RALYL: variants seen among roughly 807,000 people sequenced by gnomAD.
RALYL encodes the protein RNA-binding Raly-like protein.
Under a neutral mutation model 35.1 loss-of-function variants are expected in RALYL, and 29 were observed. The observed-to-expected ratio is 0.83, with a 90% confidence interval of 0.61 to 1.13. RALYL has a LOEUF of 1.13. Ranked by LOEUF, RALYL falls within the 50% of genes most tolerant of loss-of-function variation. The pLI, the probability that RALYL is intolerant of heterozygous loss-of-function variation, is 0.00. For missense variants in RALYL, 359 were observed against 360.4 expected (o/e 1.00, Z 0.03); for synonymous variants, 120 against 127.6 (o/e 0.94, Z 0.40).
intron 1 of RALYL, among the ~76,000 whole-genome samples, chr8:84,279,641 G>C (rs1836152274): frequency 1.3e-5 from 2 of 152,110 alleles, no homozygotes; most frequent in Non-Finnish European, 2.9e-5. Flanking sequence ...TATTTGTGGA[G>C]GCTTTGGAGG....
chr8:84,542,021 A>G (rs2060049080), intron 2 of RALYL, among the ~76,000 whole-genome samples: 1 of 152,002 alleles, frequency 6.6e-6, no homozygotes, highest in Admixed American at 6.6e-5. Flanking sequence ...AATTCTAATA[A>G]CCTATTCACA....
chr8:84,212,234 T>G (rs1361217188), intron 1 of RALYL, among the ~76,000 whole-genome samples: 1 of 152,148 alleles, frequency 6.6e-6, no homozygotes, highest in Non-Finnish European at 1.5e-5. Context: ...CACTGTAGTG[T>G]TTTTTGACAA....
intron 1 of RALYL, among the ~76,000 whole-genome samples, chr8:84,372,888 T>TTTTTTTGTTTTGTTTTG (rs1856093021): frequency 5.6e-5 from 6 of 107,582 alleles, no homozygotes; most frequent in African/African-American, 4.3e-5. Flanking sequence ...CAGCATCTGT[T>TTTTTTTGTTTTGTTTTG]TTTTTTTTTT....
At chr8:84,481,510 A>G (rs1203194345) in intron 1 of RALYL, among the ~76,000 whole-genome samples, 1 of 152,178 alleles carries the variant, frequency 6.6e-6, no homozygotes, top group Non-Finnish European at 1.5e-5. Flanking sequence ...AGACTTTATT[A>G]TGAATGTTCA....
At chr8:84,734,217 T>G (rs563761409) in intron 2 of RALYL, among the ~76,000 whole-genome samples, 2 of 152,294 alleles carry the variant, frequency 1.3e-5, no homozygotes, top group Admixed American at 6.6e-5. Context: ...GTTGTGCATA[T>G]CACCCCTTAA....
chr8:84,364,339 T>C (rs79853451), intron 1 of RALYL, among the ~76,000 whole-genome samples: 5,784 of 152,240 alleles, frequency 0.038, 154 homozygotes, highest in East Asian at 0.13. Flanking sequence ...CAAATGGTGT[T>C]CATAAACAAT....
intron 8 of RALYL, among the ~76,000 whole-genome samples, chr8:84,914,267 T>C (rs1284708713): frequency 6.6e-6 from 1 of 152,020 alleles, no homozygotes; most frequent in Non-Finnish European, 1.5e-5. Context: ...AGCATTAACT[T>C]AGGCAATTTA....
chr8:84,643,597 G>A (rs537574391), intron 2 of RALYL, among the ~76,000 whole-genome samples: 1 of 152,162 alleles, frequency 6.6e-6, no homozygotes, highest in East Asian at 1.9e-4. Flanking sequence ...AGACTGGCAG[G>A]CTGGAGACTC....
At chr8:84,701,502 G>C (rs1013581996) in intron 2 of RALYL, among the ~76,000 whole-genome samples, 1 of 152,060 alleles carries the variant, frequency 6.6e-6, no homozygotes, top group African/African-American at 2.4e-5. Flanking sequence ...ATACTTAGAA[G>C]GTTTATGAAA....
chr8:84,667,284 G>A (rs1413599795), intron 2 of RALYL, among the ~76,000 whole-genome samples: 1 of 151,888 alleles, frequency 6.6e-6, no homozygotes, highest in African/African-American at 2.4e-5. Flanking sequence ...CATCAGTAAT[G>A]TTGAGTACTT....
At chr8:84,438,561 TAAA>T (rs66920214) in intron 1 of RALYL, among the ~76,000 whole-genome samples, 2 of 151,574 alleles carry the variant, frequency 1.3e-5, no homozygotes, top group African/African-American at 4.8e-5. Context: ...GCTATTTTTT[TAAA>T]AATTTTTTGT....
chr8:84,248,343 A>T (rs537317279), intron 1 of RALYL, among the ~76,000 whole-genome samples: 59 of 152,212 alleles, frequency 3.9e-4, no homozygotes, highest in African/African-American at 1.3e-3. Flanking sequence ...CAGCAACTTT[A>T]TCAAACCTGG....
chr8:84,841,061 A>G (rs1181078686), intron 4 of RALYL, among the ~76,000 whole-genome samples: 3 of 152,232 alleles, frequency 2.0e-5, no homozygotes, highest in South Asian at 4.1e-4. Flanking sequence ...TGCATCAACT[A>G]ATGAGCAAAA....
intron 1 of RALYL, among the ~76,000 whole-genome samples, chr8:84,446,885 C>T (rs932529860): frequency 6.6e-6 from 1 of 151,984 alleles, no homozygotes; most frequent in Non-Finnish European, 1.5e-5. Context: ...TTTGGCAATG[C>T]CATACTGATA....
At chr8:84,827,815 T>C (rs1830032702) in intron 4 of RALYL, among the ~76,000 whole-genome samples, 1 of 152,194 alleles carries the variant, frequency 6.6e-6, no homozygotes, top group East Asian at 1.9e-4. Flanking sequence ...GATTTCCCAA[T>C]TTTACCGTTA....
At chr8:84,527,766 T>C (rs535357537) in intron 1 of RALYL, among the ~76,000 whole-genome samples, 2 of 152,318 alleles carry the variant, frequency 1.3e-5, no homozygotes, top group South Asian at 4.1e-4. Flanking sequence ...TAAAGGTAGC[T>C]AATCTGAATC....
intron 1 of RALYL, among the ~76,000 whole-genome samples, chr8:84,335,956 A>G (rs1456265129): frequency 6.6e-6 from 1 of 152,108 alleles, no homozygotes; most frequent in Non-Finnish European, 1.5e-5. Context: ...ACAAATGAAG[A>G]AAAAGTTTAA....
chr8:84,782,032 C>CAT lies in RALYL; in HGVS notation c.332+7379_332+7380insTA, dbSNP rs1563591609. ...TACGTGCATGCTGTGCACACGCGCG[C>CAT]ACACACACACACACACACACACACA... On this transcript the variant is annotated intron_variant, in intron 3 of 8. Transcript: ENST00000521268. Among the ~76,000 whole-genome samples the CAT allele has an allele frequency of 2.0e-4, 7 of 35,216 alleles. No homozygotes were observed. The South Asian group carries it at 0.01, about 52-fold the overall frequency. 23.1% of individuals were successfully genotyped at this position (35,216 alleles called of 152,430 possible). A position where few individuals can be genotyped will look rare whatever the true frequency, so the allele number is the denominator to read the frequency against.
intron 2 of RALYL, among the ~76,000 whole-genome samples, chr8:84,597,998 C>G (rs1262806024): frequency 6.6e-6 from 1 of 152,100 alleles, no homozygotes; most frequent in Non-Finnish European, 1.5e-5. Flanking sequence ...CAGGAGAAAC[C>G]TAGCCTCCTG....
Sources: gnomAD v4.1 joint callset for allele counts (sites outside exome capture counted in the v4.1 genomes callset) on GRCh38, gnomAD v4.1.1 for gene constraint, MANE v1.5 for transcripts, NCBI Gene and HGNC (gene_info 2026-07-23, HGNC 2026-07-21) for gene names.